The following DLEU7 variants were observed in gnomAD, a reference collection of about 807,000 sequenced individuals.
The protein encoded by DLEU7 is leukemia-associated protein 7.
DLEU7 carries 17 observed loss-of-function variants against 16.0 expected under a neutral mutation model. That is an observed-to-expected ratio of 1.06 (90% confidence interval 0.73 to 1.59). The LOEUF (loss-of-function observed/expected upper bound fraction) is 1.59, where lower values mean the gene tolerates loss of function less well. Ranked by LOEUF, DLEU7 falls within the 40% of genes most tolerant of loss-of-function variation. The pLI, the probability that DLEU7 is intolerant of heterozygous loss-of-function variation, is 0.00. For synonymous variants in DLEU7, 113 were observed against 139.8 expected (o/e 0.81, Z 1.35); for missense variants, 308 against 314.9 (o/e 0.98, Z 0.17).
At chr13:50,830,841 G>A (rs1451907606) in intron 1 of DLEU7, among the ~76,000 whole-genome samples, 6 of 152,258 alleles carry the variant, frequency 3.9e-5, no homozygotes, top group South Asian at 2.1e-4. Context: ...CCAGGGGATG[G>A]AGACACAGTT....
intron 1 of DLEU7, among the ~76,000 whole-genome samples, chr13:50,762,693 A>G (rs1874972896): frequency 6.6e-6 from 1 of 152,098 alleles, no homozygotes; most frequent in African/African-American, 2.4e-5. Flanking sequence ...AGGTGGTTTA[A>G]GAATGGAACT....
intron 1 of DLEU7, among the ~76,000 whole-genome samples, chr13:50,755,564 T>A (rs1874729414): frequency 6.6e-6 from 1 of 152,022 alleles, no homozygotes; most frequent in South Asian, 2.1e-4. Context: ...TTTTATGCTA[T>A]CTATTTCCTT....
In DLEU7 at chr13:50,726,142, T is replaced by C. The variant is rs2812238; in HGVS notation, c.460-12902A>G. Among the ~76,000 whole-genome samples, 32,417 of 152,098 alleles carry C rather than the reference T, an allele frequency of 0.21. 4,430 individuals carry two copies. Among genetic ancestry groups the C allele is most frequent in the African/African-American group, 0.39 (16,139 of 41,454 alleles). The stretch of plus-strand genomic sequence containing the variant: ...AAACTACATGACTGCTTTCCCTACT[T>C]CTGCCCTGTGGCCTTAGGACACTTA... On this transcript the variant is annotated intron_variant, in intron 1 of 1. Coordinates refer to the DLEU7 transcript ENST00000400393. The surrounding 1 kb of genome is among the most constrained non-coding windows in gnomAD (Gnocchi z 4.0).
intron 1 of DLEU7, among the ~76,000 whole-genome samples, chr13:50,773,496 G>A (rs545251506): frequency 1.3e-5 from 2 of 152,188 alleles, no homozygotes; most frequent in Non-Finnish European, 2.9e-5. Flanking sequence ...ATTCCTTTCT[G>A]TATGTTAGTT....
At chr13:50,807,802 AG>A (rs1442346243) in intron 1 of DLEU7, 1 of 152,156 alleles carries the variant, frequency 6.6e-6, no homozygotes, top group Non-Finnish European at 1.5e-5. Flanking sequence ...GGTCAGCGAA[AG>A]CTTCTCAAAG....
intron 1 of DLEU7, among the ~76,000 whole-genome samples, chr13:50,771,032 T>C (rs1052828366): frequency 2.0e-5 from 3 of 152,230 alleles, no homozygotes; most frequent in African/African-American, 7.2e-5. Flanking sequence ...CCATTTCTTC[T>C]AGATTTTCTA....
Position 50,843,277 on chromosome 13 carries a change from C to G in DLEU7, c.370G>C (p.Val124Leu), listed in dbSNP as rs989288623. 1.3e-6 allele frequency: 2 copies of G among 1,575,350 alleles called. No individual in the cohort carries two copies. The highest frequency in any genetic ancestry group is 1.7e-6 in the Non-Finnish European group (2 of 1,160,698). ...ACCAGCTCCGAAGTCGAGTCCACCA[C>G]GCGGGCCAGCGCGCTGCGCATCGCC... ...QMAMRSALAR[V>L]VDSTSELVSV... The change falls in exon 1 of 2, where the codon GTG becomes CTG. Residue 124 changes from valine to leucine, a missense_variant. Physicochemically the swap from Val to Leu is conservative, Grantham distance 32. Transcript: ENST00000504404. This position sits in a 1 kb window ranked among gnomAD's most constrained non-coding sequence, Gnocchi z 5.7.
At chr13:50,732,052 G>A (rs958443407) in intron 1 of DLEU7, among the ~76,000 whole-genome samples, 10 of 152,162 alleles carry the variant, frequency 6.6e-5, no homozygotes, top group Admixed American at 2.6e-4. Flanking sequence ...CATGTGTCGT[G>A]TGCATCTTGG....
chr13:50,760,536 AT>A (rs1168867060), intron 1 of DLEU7, among the ~76,000 whole-genome samples: 1 of 152,034 alleles, frequency 6.6e-6, no homozygotes, highest in Non-Finnish European at 1.5e-5. Flanking sequence ...TAACTTTTGT[AT>A]TTTTTGTAGA....
At chr13:50,815,085 T>A (rs528656980) in intron 1 of DLEU7, among the ~76,000 whole-genome samples, 1 of 152,154 alleles carries the variant, frequency 6.6e-6, no homozygotes, top group African/African-American at 2.4e-5. Context: ...TTTGGCAAAC[T>A]GTTTTTCACT....
intron 1 of DLEU7, among the ~76,000 whole-genome samples, chr13:50,745,337 T>C (rs1055591988): frequency 6.6e-6 from 1 of 152,182 alleles, no homozygotes; most frequent in East Asian, 1.9e-4. Context: ...TTCATTCTAC[T>C]TATATGAGGA....
chr13:50,756,796 T>C (rs1227001773), intron 1 of DLEU7, among the ~76,000 whole-genome samples: 1 of 152,152 alleles, frequency 6.6e-6, no homozygotes, highest in East Asian at 1.9e-4. Flanking sequence ...TCCTGTGGTG[T>C]TTTCCCCCAT....
chr13:50,805,924 G>T (rs1347191125), intron 1 of DLEU7, among the ~76,000 whole-genome samples: 1 of 152,204 alleles, frequency 6.6e-6, no homozygotes, highest in Non-Finnish European at 1.5e-5. Context: ...GAATTTGATA[G>T]TTATGGCAGA....
chr13:50,770,822 G>A (rs1242645593), intron 1 of DLEU7, among the ~76,000 whole-genome samples: 2 of 152,152 alleles, frequency 1.3e-5, no homozygotes, highest in African/African-American at 4.8e-5. Context: ...TCTGTTGATT[G>A]GAATAGTTTC....
chr13:50,795,051 G>T (rs551026617), intron 1 of DLEU7, among the ~76,000 whole-genome samples: 1 of 4,032 alleles, frequency 2.5e-4, no homozygotes, highest in Non-Finnish European at 1.7e-3. Context: ...GATGGGGTTG[G>T]CTTCAAAAAC....
intron 1 of DLEU7, among the ~76,000 whole-genome samples, chr13:50,727,604 C>T (rs1873801903): frequency 6.6e-6 from 1 of 152,120 alleles, no homozygotes. Flanking sequence ...AAGCTACATC[C>T]CCCTAAGGCC....
chr13:50,758,638 C>T (rs567171933), intron 1 of DLEU7, among the ~76,000 whole-genome samples: 33 of 152,292 alleles, frequency 2.2e-4, no homozygotes, highest in African/African-American at 7.0e-4. Context: ...CTGCTGGTTG[C>T]CAGGCCTCAT....
intron 1 of DLEU7, among the ~76,000 whole-genome samples, chr13:50,791,839 CAT>C (rs950494746): frequency 6.6e-6 from 1 of 152,206 alleles, no homozygotes; most frequent in African/African-American, 2.4e-5. Context: ...GACGCCTTTA[CAT>C]GTTTTCCACA....
At chr13:50,741,238 C>G (rs778050796) in intron 1 of DLEU7, among the ~76,000 whole-genome samples, 10 of 152,188 alleles carry the variant, frequency 6.6e-5, no homozygotes, top group African/African-American at 2.4e-4. Context: ...AGGGCCTTCT[C>G]AGTTCCCCTA....
Sources: gnomAD v4.1 joint callset for allele counts (sites outside exome capture counted in the v4.1 genomes callset) on GRCh38, gnomAD v4.1.1 for gene constraint, Gnocchi (gnomAD v3.1) non-coding constraint, MANE v1.5 for transcripts, NCBI Gene and HGNC (gene_info 2026-07-23, HGNC 2026-07-21) for gene names.